Variants in MET observed in about 807,000 individuals in gnomAD.
The protein encoded by MET is MET proto-oncogene, receptor tyrosine kinase.
In MET, 48 loss-of-function variants were observed where a neutral mutation model predicts 133.1. That is an observed-to-expected ratio of 0.36 (90% confidence interval 0.29 to 0.46). MET has a LOEUF of 0.46. Ranked by LOEUF, MET falls within the 20% of genes least tolerant of loss-of-function variation. MET has a pLI of 1.00. For synonymous variants in MET, 628 were observed against 616.5 expected, an observed-to-expected ratio of 1.02 and a Z score of -0.28; for missense variants, 1,442 against 1,695.9, an observed-to-expected ratio of 0.85 and a Z score of 2.63.
In MET at chr7:116,755,449, A is replaced by G. The variant is rs1794142537; in HGVS notation, c.1796A>G (p.Lys599Arg). The G allele has an allele frequency of 1.9e-6, 3 of 1,614,188 alleles. No individual in the cohort carries two copies. The highest frequency in any genetic ancestry group is 2.2e-5 in the South Asian group (2 of 91,088). ...GFRRNNKFDL[K>R]KTRVLLGNES... ...CGGAGGAATAATAAATTTGATTTAA[A>G]GAAAACTAGAGTTCTCCTTGGAAAT... The change falls in exon 6 of 21, where the codon AAG becomes AGG. Residue 599 changes from lysine (K) to arginine (R), a missense_variant. By Grantham distance (26) the Lys-to-Arg change is conservative. Transcript: ENST00000397752.
chr7:116,750,800 G>A (rs75855514), intron 5 of MET, among the ~76,000 whole-genome samples: 12,640 of 152,116 alleles, frequency 0.083, 1,045 homozygotes, highest in East Asian at 0.4. Flanking sequence ...CATTTAGGTG[G>A]CCAAAAAACA....
chr7:116,768,121 G>A (rs992545867), intron 11 of MET, among the ~76,000 whole-genome samples: 1 of 151,622 alleles, frequency 6.6e-6, no homozygotes, highest in Non-Finnish European at 1.5e-5. Flanking sequence ...AGACACAGTG[G>A]ATGTGTGATC....
At chr7:116,778,716 T>C in intron 16 of MET, 60 bp from the exon 17 acceptor site, 1 of 1,568,426 alleles carries the variant, frequency 6.4e-7, no homozygotes, top group Non-Finnish European at 8.8e-7. Context: ...CTATCTAAAT[T>C]TGACAAAAGT....
At chr7:116,760,651 A>G (rs368774874) in intron 10 of MET, among the ~76,000 whole-genome samples, 3 of 152,310 alleles carry the variant, frequency 2.0e-5, no homozygotes, top group Non-Finnish European at 4.4e-5. Flanking sequence ...TAAAGCCACA[A>G]TGTTCTTTAA....
In MET at chr7:116,684,480, G is replaced by T. The variant is rs144259187; in HGVS notation, c.-15+11903G>T. ...TAAAGGCTAGATAAGGGGAAGACAG[G>T]TTTGATGTTTGAGCACATAGGAGAG... On this transcript the variant is annotated intron_variant, in intron 1 of 20. Transcript: ENST00000397752. Among the ~76,000 whole-genome samples the T allele has an allele frequency of 2.9e-3, 442 of 152,322 alleles. 1 individual carries two copies. Among genetic ancestry groups the T allele is most frequent in the African/African-American group, 9.7e-3 (405 of 41,570 alleles).
Position 116,796,716 on chromosome 7 carries a change from A to T in MET, c.*592A>T. The T allele has an allele frequency of 4.9e-6, 1 of 204,338 alleles. No individual in the cohort carries two copies. Among genetic ancestry groups the T allele is most frequent in the Non-Finnish European group, 1.0e-5 (1 of 99,284 alleles). 12.7% of individuals were successfully genotyped at this position (204,338 alleles called of 1,614,324 possible). A position where few individuals can be genotyped will look rare whatever the true frequency, so the allele number is the denominator to read the frequency against. ...AGTGGTGTGATCATAGCTCACTGCA[A>T]CCTCCACCTCCCAGGCTCAAGCCTC... is the stretch of plus-strand genomic sequence containing the variant. On this transcript the variant is annotated 3_prime_UTR_variant, in exon 21 of 21. Coordinates refer to ENST00000397752, the MANE Select transcript of MET (RefSeq NM_000245.4).
chr7:116,780,689 G>A (rs1036232217), intron 17 of MET, among the ~76,000 whole-genome samples: 8 of 152,174 alleles, frequency 5.3e-5, no homozygotes, highest in Admixed American at 4.6e-4. Context: ...CTAAAACCAG[G>A]AACTGGCCTT....
intron 1 of MET, among the ~76,000 whole-genome samples, chr7:116,690,338 A>C (rs933141285): frequency 6.6e-6 from 1 of 152,162 alleles, no homozygotes; most frequent in African/African-American, 2.4e-5. Flanking sequence ...ATCAGAAGGC[A>C]TGTCAGTGAA....
intron 5 of MET, among the ~76,000 whole-genome samples, chr7:116,741,353 C>T (rs1419994293): frequency 1.3e-5 from 2 of 152,148 alleles, no homozygotes; most frequent in African/African-American, 2.4e-5. Context: ...GAATAAGCAA[C>T]AGTGCTCCCC....
chr7:116,733,977 T>C (rs1406593098), intron 3 of MET, among the ~76,000 whole-genome samples: 1 of 152,192 alleles, frequency 6.6e-6, no homozygotes, highest in Non-Finnish European at 1.5e-5. Flanking sequence ...ACCTAAAGCA[T>C]TTGAAGGATC....
chr7:116,698,439 T>C (rs1310132990), intron 1 of MET, among the ~76,000 whole-genome samples: 1 of 152,206 alleles, frequency 6.6e-6, no homozygotes, highest in East Asian at 1.9e-4. Flanking sequence ...ACATTAAACA[T>C]TTGTCTGTCT....
chr7:116,770,756 G>A (rs1048228391), intron 12 of MET, among the ~76,000 whole-genome samples: 3 of 152,148 alleles, frequency 2.0e-5, no homozygotes, highest in Non-Finnish European at 2.9e-5. Flanking sequence ...CCACGTTGTA[G>A]CCTGTGTCGG....
rs747528521 is a variant in MET, at chr7:116,769,668, A to G, written c.2607A>G (p.Ala869=). 1.2e-6 allele frequency: 2 copies of G among 1,611,802 alleles called. No homozygotes were observed. The highest frequency in any genetic ancestry group is 1.1e-5 in the South Asian group (1 of 90,980). The part of the protein sequence containing the change: ...EIKGNDIDPE[A]VKGEVLKVGN... ...AGGGAAATGATATTGACCCTGAAGC[A>G]GTTAAAGGTGAAGTGTTAAAAGTTG... Residue 869 remains alanine (A), a synonymous_variant, in exon 12 of 21, where the codon GCA becomes GCG. Coordinates refer to ENST00000397752, the MANE Select transcript of MET (RefSeq NM_000245.4).
intron 9 of MET, among the ~76,000 whole-genome samples, 167 bp downstream of exon 9, chr7:116,758,787 T>A (rs544773980): frequency 1.2e-4 from 19 of 152,334 alleles, no homozygotes; most frequent in African/African-American, 3.6e-4. Flanking sequence ...AGGTTCTGAG[T>A]GTAGTTTGAC....
intron 2 of MET, among the ~76,000 whole-genome samples, chr7:116,721,749 A>G (rs1792493254): frequency 6.6e-6 from 1 of 152,088 alleles, no homozygotes; most frequent in Admixed American, 6.5e-5. Flanking sequence ...TGTATCCAGT[A>G]GTCATTCAGG....
chr7:116,734,389 G>A (rs1793136058), intron 3 of MET, among the ~76,000 whole-genome samples: 1 of 152,200 alleles, frequency 6.6e-6, no homozygotes, highest in Non-Finnish European at 1.5e-5. Context: ...GTTCAGCTCT[G>A]GCTGGGAACA....
rs183338176 is a variant in MET, at chr7:116,777,052, A to G, written c.3260-337A>G. On this transcript the variant is annotated intron_variant, in intron 15 of 20. Coordinates refer to ENST00000397752, the MANE Select transcript of MET (RefSeq NM_000245.4). The stretch of plus-strand genomic sequence containing the variant: ...ACTATGTCATCCTTTAAAAAAATTT[A>G]TTTGATGAGGCCGATGTTACTCACC... 2.7e-3 allele frequency among the ~76,000 whole-genome samples: 416 copies of G among 152,254 alleles called. 4 individuals carry two copies. Among genetic ancestry groups the G allele is most frequent in the African/African-American group, 9.4e-3 (392 of 41,552 alleles).
At chr7:116,776,388 T>C (rs1484481969) in intron 15 of MET, among the ~76,000 whole-genome samples, 1 of 152,176 alleles carries the variant, frequency 6.6e-6, no homozygotes, top group African/African-American at 2.4e-5. Context: ...ATCCCAGTAA[T>C]TGCATCAATT....
intron 2 of MET, among the ~76,000 whole-genome samples, chr7:116,715,780 C>T (rs548199212): frequency 6.6e-6 from 1 of 152,268 alleles, no homozygotes; most frequent in South Asian, 2.1e-4. Context: ...GCAGGGCCAC[C>T]CCTGACCCAA....
Sources: allele counts gnomAD v4.1 joint callset (sites outside exome capture counted in the v4.1 genomes callset), GRCh38; gene constraint gnomAD v4.1.1; transcripts MANE v1.5; gene names NCBI Gene and HGNC (gene_info 2026-07-23, HGNC 2026-07-21).